The following OSBPL1A variants were observed in gnomAD, a reference collection of about 807,000 sequenced individuals.
The protein encoded by OSBPL1A is oxysterol-binding protein-related protein 1.
A neutral mutation model predicts 137.1 loss-of-function variants in OSBPL1A; 80 were observed. That is an observed-to-expected ratio of 0.58 (90% CI 0.49 to 0.70). The LOEUF (loss-of-function observed/expected upper bound fraction) is 0.70, where lower values mean the gene tolerates loss of function less well. Ranked by LOEUF, OSBPL1A falls within the 30% of genes least tolerant of loss-of-function variation. The probability of loss-of-function intolerance (pLI) is 0.00; values close to 1 mark genes in which losing one functional copy is unlikely to be tolerated. For missense variants in OSBPL1A, 970 were observed against 1,129.4 expected (o/e 0.86, Z 2.02); for synonymous variants, 365 against 389.7 (o/e 0.94, Z 0.75).
At chr18:24,231,380 C>T (rs1415343758) in intron 16 of OSBPL1A, among the ~76,000 whole-genome samples, 1 of 152,150 alleles carries the variant, frequency 6.6e-6, no homozygotes, top group Non-Finnish European at 1.5e-5. Context: ...GCAACCTCCG[C>T]CTCCTGGATT....
At chr18:24,331,149 G>T (rs1288701820) in intron 7 of OSBPL1A, among the ~76,000 whole-genome samples, 1 of 152,162 alleles carries the variant, frequency 6.6e-6, no homozygotes, top group African/African-American at 2.4e-5. Context: ...CTTCCCAGGT[G>T]TTATGTGCTA....
chr18:24,265,775 C>T (rs2089555666), intron 15 of OSBPL1A, among the ~76,000 whole-genome samples: 1 of 152,144 alleles, frequency 6.6e-6, no homozygotes. Flanking sequence ...TGTCTGCAGC[C>T]TGGGTGGGTA....
At chr18:24,227,895 C>A (rs1465462348) in intron 16 of OSBPL1A, among the ~76,000 whole-genome samples, 1 of 152,074 alleles carries the variant, frequency 6.6e-6, no homozygotes, top group Non-Finnish European at 1.5e-5. Context: ...AGCAATGAAG[C>A]AAAATACCTC....
intron 15 of OSBPL1A, among the ~76,000 whole-genome samples, chr18:24,277,435 C>T (rs562673667): frequency 3.9e-5 from 6 of 152,324 alleles, no homozygotes; most frequent in African/African-American, 1.4e-4. Flanking sequence ...CTTACATCTA[C>T]TGGATCCCTG....
intron 4 of OSBPL1A, among the ~76,000 whole-genome samples, chr18:24,349,779 T>C (rs185592404): frequency 2.0e-5 from 3 of 150,248 alleles, no homozygotes; most frequent in Admixed American, 2.0e-4. Context: ...CTGCGTGTAC[T>C]TGCAAAAAGC....
chr18:24,266,950 A>T (rs938699378), intron 15 of OSBPL1A, among the ~76,000 whole-genome samples: 1 of 152,030 alleles, frequency 6.6e-6, no homozygotes. Context: ...TAATTGTAAA[A>T]TTTAATTTTA....
At chr18:24,196,399 T>C (rs1290818751) in intron 17 of OSBPL1A, among the ~76,000 whole-genome samples, 199 bp from the exon 18 acceptor site, 1 of 152,210 alleles carries the variant, frequency 6.6e-6, no homozygotes, top group Non-Finnish European at 1.5e-5. Flanking sequence ...AAAGATTCTG[T>C]AGCAATCAAC....
At chr18:24,391,913 TG>T (rs985500124) in intron 1 of OSBPL1A, among the ~76,000 whole-genome samples, 2 of 152,138 alleles carry the variant, frequency 1.3e-5, no homozygotes, top group Non-Finnish European at 2.9e-5. Context: ...TGGAGTGCAG[TG>T]GCACAATCTC....
chr18:24,365,866 A>G (rs972744048), intron 4 of OSBPL1A, among the ~76,000 whole-genome samples: 1 of 152,200 alleles, frequency 6.6e-6, no homozygotes, highest in Non-Finnish European at 1.5e-5. Context: ...TTCTGTGACC[A>G]AATATGGGTG....
Position 24,346,599 on chromosome 18 carries a change from G to C in OSBPL1A, c.283-4941C>G, listed in dbSNP as rs1178197887. On this transcript the variant is annotated intron_variant, in intron 4 of 27. Coordinates refer to ENST00000319481, the MANE Select transcript of OSBPL1A (RefSeq NM_080597.4). ...TTTTGTGTCTGGCTTCTTTCAGTTA[G>C]CATGTTCTCAAGGTTCATTTATGTT... 2.6e-5 allele frequency among the ~76,000 whole-genome samples: 4 copies of C among 152,064 alleles called. No individual in the cohort carries two copies. The East Asian group carries it at 7.7e-4, about 29-fold the overall frequency.
At chr18:24,378,715 G>C (rs1266418281) in intron 1 of OSBPL1A, among the ~76,000 whole-genome samples, 1 of 152,224 alleles carries the variant, frequency 6.6e-6, no homozygotes, top group East Asian at 1.9e-4. Flanking sequence ...TTTCAAAACA[G>C]AGCAGAGCAA....
intron 15 of OSBPL1A, chr18:24,272,166 G>C (rs1353508970): frequency 1.0e-6 from 1 of 983,758 alleles, no homozygotes; most frequent in African/African-American, 1.8e-5. Flanking sequence ...TGAGTGCCGC[G>C]CCGAGGCGCC....
At chr18:24,353,363 A>G (rs2091477270) in intron 4 of OSBPL1A, among the ~76,000 whole-genome samples, 1 of 152,308 alleles carries the variant, frequency 6.6e-6, no homozygotes, top group African/African-American at 2.4e-5. Flanking sequence ...CAAAACCACA[A>G]TGAGATACCA....
At chr18:24,185,833 G>A (rs2086733688) in intron 18 of OSBPL1A, among the ~76,000 whole-genome samples, 1 of 152,168 alleles carries the variant, frequency 6.6e-6, no homozygotes, top group Non-Finnish European at 1.5e-5. Flanking sequence ...CCACTTTGGG[G>A]ACCAAGGCAC....
rs539833806 is a variant in OSBPL1A, at chr18:24,269,378, C to T, written c.1281+11464G>A. On this transcript the variant is annotated intron_variant, in intron 15 of 27. Transcript: ENST00000319481. ...CTTCCATTCCGGTCTTAACGATTTG[C>T]TAAAATTTACCCTCTTCTGTTGCTT... Among the ~76,000 whole-genome samples the T allele has an allele frequency of 3.3e-5, 5 of 152,260 alleles. No individual in the cohort carries two copies. In the East Asian group the frequency reaches 9.6e-4, roughly 29 times the overall value.
Position 24,280,882 on chromosome 18 carries a change from G to A in OSBPL1A, c.1241C>T (p.Ala414Val), listed in dbSNP as rs763996954. Residue 414 changes from alanine (A) to valine (V), a missense_variant, in exon 15 of 28, where the codon GCT becomes GTT. By Grantham distance (64) the Ala-to-Val change is moderately conservative (BLOSUM62 0). This residue lies in a region of OSBPL1A where 647 missense variants were observed against 672.6 expected (regional missense o/e 0.96). Coordinates refer to ENST00000319481, the MANE Select transcript of OSBPL1A (RefSeq NM_080597.4). ...GAAGAGATTAAGGCAATCAGTCAAAGCTACACAAGTTTCTCTAGAAGCTTC... is the reference window on the plus strand; with the variant it reads ...GAAGAGATTAAGGCAATCAGTCAAAACTACACAAGTTTCTCTAGAAGCTTC... ...VSEASRETCV[A>V]LTDCLNLFTK... The A allele has an allele frequency of 3.1e-6, 5 of 1,609,250 alleles. No individual in the cohort carries two copies. Among genetic ancestry groups the A allele is most frequent in the Non-Finnish European group, 4.2e-6 (5 of 1,178,594 alleles).
At position 24,293,755 on chromosome 18, in the gene OSBPL1A, C is replaced by T. The variant is rs111549593; in HGVS notation, c.1174+9882G>A. 2.8e-3 allele frequency among the ~76,000 whole-genome samples: 427 copies of T among 152,250 alleles called. 2 individuals are homozygous for T. Among genetic ancestry groups the T allele is most frequent in the African/African-American group, 9.7e-3 (405 of 41,542 alleles). ...GAGGGGTGGAAGGGGCTGGAAGGCT[C>T]TGCAGGTCATTAGAATGACTCTGTC... On this transcript the variant is annotated intron_variant, in intron 14 of 27. Coordinates refer to ENST00000319481, the MANE Select transcript of OSBPL1A (RefSeq NM_080597.4).
At chr18:24,207,480 T>A (rs1170119428) in intron 17 of OSBPL1A, among the ~76,000 whole-genome samples, 1 of 152,280 alleles carries the variant, frequency 6.6e-6, no homozygotes, top group African/African-American at 2.4e-5. Flanking sequence ...AAGTATTATG[T>A]AGGAATCATA....
chr18:24,275,775 C>T (rs960624107), intron 15 of OSBPL1A, among the ~76,000 whole-genome samples: 1 of 150,832 alleles, frequency 6.6e-6, no homozygotes, highest in Non-Finnish European at 1.5e-5. Flanking sequence ...GTTGCTCAGG[C>T]TGGAGGGCAA....
Sources: allele counts gnomAD v4.1 joint callset (sites outside exome capture counted in the v4.1 genomes callset), GRCh38; gene constraint gnomAD v4.1.1; regional missense constraint gnomAD v4.1.1; transcripts MANE v1.5; gene names NCBI Gene and HGNC (gene_info 2026-07-23, HGNC 2026-07-21).